SLFN12L: variants seen among roughly 807,000 people sequenced by gnomAD.
The protein encoded by SLFN12L is schlafen family member 12 like.
SLFN12L carries 34 observed loss-of-function variants against 34.8 expected under a neutral mutation model. The ratio of observed to expected loss-of-function variants is 0.98; its 90% CI spans 0.74 to 1.30. The LOEUF is 1.30. Ranked by LOEUF, SLFN12L falls within the 50% of genes most tolerant of loss-of-function variation. The pLI is 0.00. For missense variants in SLFN12L, 703 were observed against 696.2 expected (o/e 1.01, Z -0.11); for synonymous variants, 259 against 247.5 (o/e 1.05, Z -0.44).
chr17:35,522,303 C>T lies in SLFN12L; in HGVS notation c.62G>A (p.Ser21Asn). 6.2e-7 allele frequency: 1 copy of T among 1,614,148 alleles called. No individual in the cohort carries two copies. The highest frequency in any genetic ancestry group is 8.5e-7 in the Non-Finnish European group (1 of 1,180,012). The stretch of plus-strand genomic sequence containing the variant: ...CCTGATGAAATTCCTCAGAAACTGA[C>T]TTTCACAAATGTAGAGAATTCTGTG... ...EAHRILYICE[S>N]QFLRNFIRKE... Residue 21 changes from serine to asparagine, a missense_variant, in exon 2 of 5, where the codon AGT (serine) becomes AAT (asparagine). Coordinates refer to ENST00000628453, the MANE Select transcript of SLFN12L (RefSeq NM_001363830.2).
At chr17:35,522,170 G>T in intron 2 of SLFN12L, 109 bp downstream of exon 2, 1 of 1,446,892 alleles carries the variant, frequency 6.9e-7, no homozygotes, top group Non-Finnish European at 9.3e-7. Context: ...AACACAGTTT[G>T]TTGTCACAGA....
Position 35,468,454 on chromosome 17 carries a change from A to C in SLFN12L, c.*6469T>G, listed in dbSNP as rs1335656518. On this transcript the variant is annotated 3_prime_UTR_variant, in exon 5 of 5. Transcript: ENST00000628453. The stretch of plus-strand genomic sequence containing the variant: ...TCGATCCAGCTTACCGTCAGAGATG[A>C]ATTTACCCCTGCACCAGACATGGCG... Among the ~76,000 whole-genome samples the C allele has an allele frequency of 1.3e-5, 2 of 152,182 alleles. No homozygotes were observed. Among genetic ancestry groups the C allele is most frequent in the East Asian group, 3.8e-4 (2 of 5,196 alleles).
intron 2 of SLFN12L, among the ~76,000 whole-genome samples, chr17:35,517,905 A>G (rs1025405097): frequency 3.9e-5 from 6 of 152,242 alleles, no homozygotes; most frequent in Non-Finnish European, 7.3e-5. Context: ...CTCAAGATGG[A>G]TTAAAGACTT....
In SLFN12L at chr17:35,500,045, C is replaced by A. The variant is rs946043366; in HGVS notation, c.87-19850G>T. ...TACTTTGGATGGAAAATTCTTTATA[C>A]GATGTTAAAAACTTAAGGATCAAAA... is the stretch of plus-strand genomic sequence containing the variant. On this transcript the variant is annotated intron_variant, in intron 2 of 4. Coordinates refer to ENST00000628453, the MANE Select transcript of SLFN12L (RefSeq NM_001363830.2). The A allele has an allele frequency of 5.9e-5, 9 of 152,364 alleles. No homozygotes were observed. In the East Asian group the frequency reaches 1.5e-3, roughly 26 times the overall value. 9.4% of individuals were successfully genotyped at this position (152,364 alleles called of 1,614,324 possible). A position where few individuals can be genotyped will look rare whatever the true frequency, so the allele number is the denominator to read the frequency against.
At chr17:35,495,541 AACAAT>A (rs1269515534) in intron 2 of SLFN12L, among the ~76,000 whole-genome samples, 1 of 152,142 alleles carries the variant, frequency 6.6e-6, no homozygotes, top group Non-Finnish European at 1.5e-5. Context: ...CACAGGCCAA[AACAAT>A]CCCCCAGGGC....
intron 2 of SLFN12L, among the ~76,000 whole-genome samples, chr17:35,484,522 A>C (rs1914498057): frequency 6.6e-6 from 1 of 152,148 alleles, no homozygotes; most frequent in Non-Finnish European, 1.5e-5. Flanking sequence ...CAGCACCAGC[A>C]GTGTCATCCT....
chr17:35,530,838 T>C (rs1335721137), intron 1 of SLFN12L, among the ~76,000 whole-genome samples: 1 of 152,222 alleles, frequency 6.6e-6, no homozygotes, highest in African/African-American at 2.4e-5. Context: ...CATTCGTGCA[T>C]GCCGTGAAAA....
chr17:35,522,332 C>T lies in SLFN12L; in HGVS notation c.33G>A (p.Glu11=), dbSNP rs1413089301. Residue 11 remains glutamate, a synonymous_variant, in exon 2 of 5, where the codon GAG becomes GAA. Coordinates refer to ENST00000628453, the MANE Select transcript of SLFN12L (RefSeq NM_001363830.2). MEKIRNVFHC[E]AHRILYICES... ...CACAAATGTAGAGAATTCTGTGTGC[C>T]TCACAGTGAAACACATTCCTGATCT... The T allele has an allele frequency of 3.1e-6, 5 of 1,614,036 alleles. No homozygotes were observed. Among genetic ancestry groups the T allele is most frequent in the South Asian group, 1.1e-5 (1 of 91,078 alleles).
At chr17:35,511,843 A>G (rs994221032) in intron 2 of SLFN12L, among the ~76,000 whole-genome samples, 1 of 152,276 alleles carries the variant, frequency 6.6e-6, no homozygotes, top group African/African-American at 2.4e-5. Flanking sequence ...CACTTTAAGT[A>G]CAAATTGTGG....
chr17:35,486,931 C>G lies in SLFN12L; in HGVS notation c.87-6736G>C, dbSNP rs776347789. On this transcript the variant is annotated intron_variant, in intron 2 of 4. Transcript: ENST00000628453. ...GCAAAAAGCATAGAGCGTGATTTGC[C>G]GTCTTCGGATACCACTTTGCATTTA... Among the ~76,000 whole-genome samples the G allele has an allele frequency of 1.5e-4, 23 of 152,296 alleles. No homozygotes were observed. In the South Asian group the frequency reaches 4.6e-3, roughly 30 times the overall value.
intron 2 of SLFN12L, among the ~76,000 whole-genome samples, chr17:35,495,211 G>T (rs992540132): frequency 6.6e-6 from 1 of 152,000 alleles, no homozygotes; most frequent in Non-Finnish European, 1.5e-5. Flanking sequence ...CATTAATTTC[G>T]ATTTTTTAAA....
chr17:35,482,440 T>C (rs554609473), intron 2 of SLFN12L, among the ~76,000 whole-genome samples: 1 of 152,306 alleles, frequency 6.6e-6, no homozygotes, highest in Admixed American at 6.5e-5. Flanking sequence ...CTCTTCCAAG[T>C]TGGGACGTGA....
At chr17:35,537,082 A>C (rs780289755) in intron 1 of SLFN12L, among the ~76,000 whole-genome samples, 17 of 151,998 alleles carry the variant, frequency 1.1e-4, no homozygotes, top group Non-Finnish European at 1.6e-4. Flanking sequence ...CAAAGGCTGA[A>C]GCAGGAGGAT....
Position 35,466,689 on chromosome 17 carries a change from C to T in SLFN12L, c.*8234G>A, listed in dbSNP as rs1023640953. Reference sequence around the variant, plus strand: ...TGTGGCAGCCTCAAACAAAAAGGCTCTAAAATCTATCCAAATTAATACCAA... The same window carrying T: ...TGTGGCAGCCTCAAACAAAAAGGCTTTAAAATCTATCCAAATTAATACCAA... On this transcript the variant is annotated 3_prime_UTR_variant, in exon 5 of 5. Transcript: ENST00000628453. 1.3e-5 allele frequency among the ~76,000 whole-genome samples: 2 copies of T among 152,194 alleles called. No individual in the cohort carries two copies. The highest frequency in any genetic ancestry group is 2.9e-5 in the Non-Finnish European group (2 of 68,042).
At chr17:35,530,358 AAAGAAAGGAAGGAAGG>A (rs1192056608) in intron 1 of SLFN12L, among the ~76,000 whole-genome samples, 5 of 107,376 alleles carry the variant, frequency 4.7e-5, no homozygotes, top group Admixed American at 2.2e-4. Flanking sequence ...AAAAAAAGAG[AAAGAAAGGAAGGAAGG>A]AAGGAAGGAA....
In SLFN12L at chr17:35,486,509, A is replaced by G. The variant is rs116741090; in HGVS notation, c.87-6314T>C. The stretch of plus-strand genomic sequence containing the variant: ...ACTAGCCTGGGATCCTGGCCACCCG[A>G]GTCCAACACCTGCAGCCATGTAAAA... On this transcript the variant is annotated intron_variant, in intron 2 of 4. Transcript: ENST00000628453. Among the ~76,000 whole-genome samples, 687 of 152,238 alleles carry G rather than the reference A, an allele frequency of 4.5e-3. 8 individuals are homozygous for G. The highest frequency in any genetic ancestry group is 0.016 in the African/African-American group (656 of 41,518).
At position 35,495,942 on chromosome 17, in the gene SLFN12L, CACACAA is replaced by C. The variant is rs1364757189; in HGVS notation, c.87-15753_87-15748del. Among the ~76,000 whole-genome samples the C allele has an allele frequency of 3.2e-3, 420 of 132,690 alleles. 2 individuals are homozygous for C. Among genetic ancestry groups the C allele is most frequent in the African/African-American group, 0.012 (402 of 32,532 alleles). The allele number at this position is 132,690 out of a possible 152,430, so 87.0% of individuals were successfully genotyped here. ...ACACACACACACACACACACACACACACACAACAAAACGCCAAGACGTGCCAGTGTC... is the reference window on the plus strand; with the variant it reads ...ACACACACACACACACACACACACACCAAAACGCCAAGACGTGCCAGTGTC... On this transcript the variant is annotated intron_variant, in intron 2 of 4. Transcript: ENST00000628453.
Position 35,522,789 on chromosome 17 carries a change from T to C in SLFN12L, c.-425A>G. The stretch of plus-strand genomic sequence containing the variant: ...GCTGTTCTATGCTATCAGCAGAGCA[T>C]CACAGATGACTCCTGGCTTCTCCTG... On this transcript the variant is annotated 5_prime_UTR_variant, in exon 2 of 5. An upstream start codon of the reference 5' UTR is lost. Transcript: ENST00000628453. The C allele has an allele frequency of 1.9e-6, 3 of 1,556,518 alleles. No homozygotes were observed. Among genetic ancestry groups the C allele is most frequent in the East Asian group, 2.2e-5 (1 of 44,642 alleles).
At chr17:35,521,426 G>C (rs1915993540) in intron 2 of SLFN12L, among the ~76,000 whole-genome samples, 4 of 152,214 alleles carry the variant, frequency 2.6e-5, no homozygotes, top group Admixed American at 2.6e-4. Flanking sequence ...GTAAGTCTAT[G>C]AATATTTTAA....
Sources: allele counts gnomAD v4.1 joint callset (sites outside exome capture counted in the v4.1 genomes callset), GRCh38; gene constraint gnomAD v4.1.1; transcripts MANE v1.5; gene names NCBI Gene and HGNC (gene_info 2026-07-23, HGNC 2026-07-21).